FGFR2: variants seen among roughly 807,000 people sequenced by gnomAD.
FGFR2 encodes fibroblast growth factor receptor 2.
FGFR2 carries 19 observed loss-of-function variants against 95.9 expected under a neutral mutation model. That is an observed-to-expected ratio of 0.20 (90% CI 0.14 to 0.29). The LOEUF (loss-of-function observed/expected upper bound fraction) is 0.29. Among genes scored for constraint, FGFR2 ranks in the 10% least tolerant of loss-of-function variants. FGFR2 has a pLI of 1.00. For missense variants in FGFR2, 707 were observed against 1,056.9 expected (o/e 0.67, Z 4.59); for synonymous variants, 392 against 393.3 (o/e 1.00, Z 0.04).
At chr10:121,481,287 T>C (rs1844636503) in intron 17 of FGFR2, among the ~76,000 whole-genome samples, 1 of 152,122 alleles carries the variant, frequency 6.6e-6, no homozygotes, top group African/African-American at 2.4e-5. Context: ...CTATGACATG[T>C]GGTTTTGCTG....
intron 6 of FGFR2, among the ~76,000 whole-genome samples, chr10:121,523,056 A>G (rs1850788493): frequency 6.6e-6 from 1 of 152,256 alleles, no homozygotes; most frequent in African/African-American, 2.4e-5. Context: ...ACTTTACTGC[A>G]TAAGCCTGTT....
chr10:121,545,689 G>C (rs189183275), intron 5 of FGFR2, among the ~76,000 whole-genome samples: 7 of 152,288 alleles, frequency 4.6e-5, no homozygotes, highest in African/African-American at 1.7e-4. Context: ...AAACATACTT[G>C]TGGATTAAGC....
intron 5 of FGFR2, among the ~76,000 whole-genome samples, chr10:121,545,650 T>G (rs186349432): frequency 1.4e-3 from 207 of 152,360 alleles, no homozygotes; most frequent in African/African-American, 4.9e-3. Flanking sequence ...AACATGCTGA[T>G]AAGTACATTA....
At chr10:121,519,955 C>T (rs772481054) in intron 7 of FGFR2, 24 bp downstream of exon 7, 27 of 1,613,418 alleles carry the variant, frequency 1.7e-5, no homozygotes, top group Non-Finnish European at 1.9e-5. Context: ...GTTGTGGGTA[C>T]CTTTAGATTC....
chr10:121,514,979 G>A, intron 9 of FGFR2, 138 bp downstream of exon 9: 2 of 804,710 alleles, frequency 2.5e-6, no homozygotes, highest in Non-Finnish European at 4.1e-6. Context: ...CTAACTGGGT[G>A]ACCGCCAAGC....
chr10:121,535,615 C>T (rs1852722096), intron 6 of FGFR2, among the ~76,000 whole-genome samples: 1 of 152,232 alleles, frequency 6.6e-6, no homozygotes, highest in South Asian at 2.1e-4. Flanking sequence ...AGGCTCGCCA[C>T]CTCCCGGAGC....
chr10:121,574,981 C>T (rs1859486325), intron 2 of FGFR2, among the ~76,000 whole-genome samples: 1 of 152,194 alleles, frequency 6.6e-6, no homozygotes, highest in Admixed American at 6.5e-5. Flanking sequence ...CCTCCCTGGT[C>T]GCTAACAAGG....
chr10:121,479,520 A>T lies in FGFR2; in HGVS notation c.*337T>A. 1 of 1,404,682 alleles carries T rather than the reference A, an allele frequency of 7.1e-7. No individual in the cohort carries two copies. Among genetic ancestry groups the T allele is most frequent in the Non-Finnish European group, 9.8e-7 (1 of 1,025,300 alleles). The allele number at this position is 1,404,682 out of a possible 1,614,324, so 87.0% of individuals were successfully genotyped here. ...GTGCTCTGTAAGTGTGTGCTGACAT[A>T]AATCTTCTCCAATTATTACAAAATT... On this transcript the variant is annotated 3_prime_UTR_variant, in exon 18 of 18. Coordinates refer to ENST00000358487, the MANE Select transcript of FGFR2 (RefSeq NM_000141.5).
chr10:121,507,876 C>T (rs1240279008), intron 9 of FGFR2, among the ~76,000 whole-genome samples: 5 of 151,990 alleles, frequency 3.3e-5, no homozygotes, highest in Admixed American at 1.3e-4. Flanking sequence ...CTGTGGGTTC[C>T]GCATTCATGG....
At chr10:121,532,284 C>A (rs1320822694) in intron 6 of FGFR2, among the ~76,000 whole-genome samples, 2 of 152,276 alleles carry the variant, frequency 1.3e-5, no homozygotes, top group East Asian at 1.9e-4. Flanking sequence ...AGGTAATGGT[C>A]AGGCTTTCAA....
chr10:121,526,904 GGCTCCC>G (rs1851448347), intron 6 of FGFR2: 3 of 396,252 alleles, frequency 7.6e-6, no homozygotes, highest in Non-Finnish European at 1.3e-5. Flanking sequence ...AATCGGCTGG[GGCTCCC>G]ACTTCCTCTA....
intron 2 of FGFR2, among the ~76,000 whole-genome samples, chr10:121,577,383 C>T (rs1364854427): frequency 2.0e-5 from 3 of 151,700 alleles, no homozygotes; most frequent in African/African-American, 7.3e-5. Flanking sequence ...GAAATCCTCA[C>T]TCCTCCGCTA....
chr10:121,480,310 C>T, intron 17 of FGFR2: 1 of 482,416 alleles, frequency 2.1e-6, no homozygotes. Flanking sequence ...CATCATAAAT[C>T]AACTATTGAC....
At chr10:121,534,732 T>C (rs1346842744) in intron 6 of FGFR2, among the ~76,000 whole-genome samples, 2 of 152,088 alleles carry the variant, frequency 1.3e-5, no homozygotes, top group African/African-American at 4.8e-5. Context: ...AGACTTCTGA[T>C]TGAGACTAAT....
chr10:121,485,609 A>G lies in FGFR2; in HGVS notation c.2058-77T>C, dbSNP rs2133803835. ...ACCTAAACACGCCCAGCTGAGACAT[A>G]AACACCTCCTCACTTCTGAAGTTCA... On this transcript the variant is annotated intron_variant, in intron 15 of 17. Coordinates refer to ENST00000358487, the MANE Select transcript of FGFR2 (RefSeq NM_000141.5). The surrounding 1 kb of genome is among the most constrained non-coding windows in gnomAD (Gnocchi z 4.2). 6.3e-7 allele frequency: 1 copy of G among 1,594,178 alleles called. No homozygotes were observed. The highest frequency in any genetic ancestry group is 1.7e-5 in the Admixed American group (1 of 59,636).
At chr10:121,534,575 T>C (rs1852559968) in intron 6 of FGFR2, among the ~76,000 whole-genome samples, 1 of 151,862 alleles carries the variant, frequency 6.6e-6, no homozygotes, top group African/African-American at 2.4e-5. Flanking sequence ...TTTGTATTTT[T>C]AGTAGAAACG....
In FGFR2 at chr10:121,524,099, TATACACACACACACACACAC is replaced by T. The variant is rs1160047344; in HGVS notation, c.749-3950_749-3931del. Among the ~76,000 whole-genome samples the T allele has an allele frequency of 1.1e-3, 154 of 137,288 alleles. 2 individuals carry two copies. The highest frequency in any genetic ancestry group is 3.9e-3 in the African/African-American group (134 of 34,246). The allele number at this position is 137,288 out of a possible 152,430, so 90.1% of individuals were successfully genotyped here. ...TTATTCCAATGCTATCCCGGCTATGTATACACACACACACACACACACACACACACACACACACACACACA... is the reference window on the plus strand; with the variant it reads ...TTATTCCAATGCTATCCCGGCTATGTACACACACACACACACACACACACA... On this transcript the variant is annotated intron_variant, in intron 6 of 17. Coordinates refer to ENST00000358487, the MANE Select transcript of FGFR2 (RefSeq NM_000141.5).
chr10:121,545,065 C>T (rs989956183), intron 5 of FGFR2, among the ~76,000 whole-genome samples: 6 of 152,192 alleles, frequency 3.9e-5, no homozygotes, highest in South Asian at 2.1e-4. Context: ...ATCACTTGAA[C>T]CCAGGAGGTC....
At chr10:121,526,368 C>T (rs148738536) in intron 6 of FGFR2, among the ~76,000 whole-genome samples, 44 of 152,188 alleles carry the variant, frequency 2.9e-4, no homozygotes, top group African/African-American at 9.6e-4. Flanking sequence ...AGGAGGAGGC[C>T]GATCAAAGCT....
Sources: allele counts gnomAD v4.1 joint callset (sites outside exome capture counted in the v4.1 genomes callset), GRCh38; gene constraint gnomAD v4.1.1; non-coding constraint Gnocchi (gnomAD v3.1); transcripts MANE v1.5; gene names NCBI Gene and HGNC (gene_info 2026-07-23, HGNC 2026-07-21).